Variants in DET1 observed in about 807,000 individuals in gnomAD.
The protein encoded by DET1 is DET1 partner of COP1 E3 ubiquitin ligase, also known as DET1 homolog.
In DET1, 22 loss-of-function variants were observed where a neutral mutation model predicts 43.7. The observed-to-expected ratio is 0.50, with a 90% CI of 0.36 to 0.72. The LOEUF (loss-of-function observed/expected upper bound fraction) is 0.72. Ranked by LOEUF, DET1 falls within the 30% of genes least tolerant of loss-of-function variation. The pLI is 0.00. For synonymous variants in DET1, 315 were observed against 266.2 expected (o/e 1.18, Z -1.79); for missense variants, 713 against 713.3 (o/e 1.00, Z 0.00).
intron 3 of DET1, among the ~76,000 whole-genome samples, chr15:88,518,205 G>T (rs1274657580): frequency 1.3e-5 from 2 of 150,552 alleles, no homozygotes; most frequent in Non-Finnish European, 2.9e-5. Context: ...GCCTTCCAAA[G>T]TGCTGGGATT....
At position 88,525,011 on chromosome 15, in the gene DET1, A is replaced by G. The variant is rs114223362; in HGVS notation, c.1271+2588T>C. Among the ~76,000 whole-genome samples, 1,075 of 152,290 alleles carry G rather than the reference A, an allele frequency of 7.1e-3. 14 individuals carry two copies. The highest frequency in any genetic ancestry group is 0.022 in the African/African-American group (924 of 41,546). On this transcript the variant is annotated intron_variant, in intron 3 of 4. Transcript: ENST00000268148. The stretch of plus-strand genomic sequence containing the variant: ...TATATTTTCAATGTAGCAAAGTATG[A>G]TTAGTGGTCAACAAAATATGTTAGC...
chr15:88,538,725 G>C (rs983328613), intron 1 of DET1, among the ~76,000 whole-genome samples: 2 of 152,302 alleles, frequency 1.3e-5, no homozygotes, highest in Non-Finnish European at 2.9e-5. Flanking sequence ...GGCCGGCTCA[G>C]AGGGGGTTAC....
Position 88,530,897 on chromosome 15 carries a change from G to A in DET1, c.809C>T (p.Ala270Val). ...CYEDDLLTVS[A>V]VFPEVQRDSQ... ...GTCCCGCTGTACCTCAGGGAAAACA[G>A]CTGACACAGTGAGCAGGTCATCCTC... is the stretch of plus-strand genomic sequence containing the variant. The change falls in exon 2 of 5, where the codon GCT becomes GTT. Residue 270 changes from alanine (A) to valine (V), a missense_variant. Physicochemically the swap from Ala to Val is moderately conservative, Grantham distance 64. Transcript: ENST00000268148. 1.2e-6 allele frequency: 2 copies of A among 1,614,038 alleles called. No individual in the cohort carries two copies. Among genetic ancestry groups the A allele is most frequent in the Non-Finnish European group, 1.7e-6 (2 of 1,179,904 alleles).
intron 3 of DET1, among the ~76,000 whole-genome samples, chr15:88,524,164 C>G (rs911222659): frequency 3.3e-5 from 5 of 151,602 alleles, no homozygotes; most frequent in Admixed American, 1.3e-4. Context: ...TCTGTCCGGC[C>G]GCGACCCCGT....
intron 1 of DET1, among the ~76,000 whole-genome samples, chr15:88,539,405 C>CATCTGACT (rs1417961768): frequency 6.7e-5 from 9 of 134,666 alleles, no homozygotes; most frequent in African/African-American, 2.3e-4. Flanking sequence ...ACCAGGTGGG[C>CATCTGACT]ATCTGACTGA....
intron 8 of DET1, chr15:88,503,756 G>C (rs1469182809): frequency 6.6e-6 from 1 of 152,174 alleles, no homozygotes; most frequent in Non-Finnish European, 1.5e-5. Context: ...TCAGCACTTT[G>C]GAAGGCCAAG....
chr15:88,512,838 T>G lies in DET1; in HGVS notation c.*113A>C. 1 of 1,489,776 alleles carries G rather than the reference T, an allele frequency of 6.7e-7. No individual in the cohort carries two copies. Among genetic ancestry groups the G allele is most frequent in the Admixed American group, 2.3e-5 (1 of 44,050 alleles). 92.3% of individuals were successfully genotyped at this position (1,489,776 alleles called of 1,614,324 possible). A position where few individuals can be genotyped will look rare whatever the true frequency, so the allele number is the denominator to read the frequency against. ...CTCTGGCTCTCTCCCATCTGAGGTATAGCAGGCTGGAACTAACAGAGCTAG... is the reference window on the plus strand; with the variant it reads ...CTCTGGCTCTCTCCCATCTGAGGTAGAGCAGGCTGGAACTAACAGAGCTAG... On this transcript the variant is annotated 3_prime_UTR_variant, in exon 5 of 5. Transcript: ENST00000268148.
chr15:88,536,979 C>T (rs1266634107), intron 1 of DET1, among the ~76,000 whole-genome samples: 4 of 151,980 alleles, frequency 2.6e-5, no homozygotes, highest in African/African-American at 7.3e-5. Flanking sequence ...TATTTTAAAA[C>T]GTACACACAA....
rs2056235046 is a variant in DET1 at position 88,513,033 on chromosome 15, G to A, written c.1571C>T (p.Pro524Leu). Reference protein sequence around the residue: ...VRRLVAFTFHPFEPFAISVQR... With the variant: ...VRRLVAFTFHLFEPFAISVQR... The stretch of plus-strand genomic sequence containing the variant: ...CACAGAAATAGCGAAAGGCTCAAAA[G>A]GGTGAAAGGTGAAGGCAACAAGGCG... The change falls in exon 5 of 5, where the codon CCT becomes CTT. Residue 524 changes from proline to leucine, a missense_variant. Physicochemically the swap from Pro to Leu is moderately conservative, Grantham distance 98. Coordinates refer to ENST00000268148, the MANE Select transcript of DET1 (RefSeq NM_001144074.3). 1 of 1,613,974 alleles carries A rather than the reference G, an allele frequency of 6.2e-7. No homozygotes were observed. The highest frequency in any genetic ancestry group is 8.5e-7 in the Non-Finnish European group (1 of 1,179,920).
At chr15:88,505,967 G>T (rs2056135710) in intron 7 of DET1, among the ~76,000 whole-genome samples, 1 of 152,154 alleles carries the variant, frequency 6.6e-6, no homozygotes, top group South Asian at 2.1e-4. Flanking sequence ...CAACTGACAT[G>T]GGTGGGCAGG....
At chr15:88,527,833 CA>C in intron 2 of DET1, 47 bp from the exon 3 acceptor site, 1 of 1,388,670 alleles carries the variant, frequency 7.2e-7, no homozygotes, top group South Asian at 1.8e-5. Flanking sequence ...AGTATAATGC[CA>C]TGCGTAGGAA....
At chr15:88,544,240 A>G (rs558090882) in intron 1 of DET1, among the ~76,000 whole-genome samples, 143 of 152,316 alleles carry the variant, frequency 9.4e-4, no homozygotes, top group African/African-American at 3.3e-3. Context: ...CAGGTAGAAC[A>G]CATGAACCGC....
downstream of DET1, among the ~76,000 whole-genome samples, chr15:88,510,861 C>T (rs894361152): frequency 2.0e-5 from 3 of 151,370 alleles, no homozygotes; most frequent in African/African-American, 7.3e-5. Flanking sequence ...TCAAGCCCCA[C>T]CTCCCGGGTT....
In DET1 at chr15:88,516,400, A is replaced by AT. The variant is rs1455851675; in HGVS notation, c.1463+381dup. The stretch of plus-strand genomic sequence containing the variant: ...AGCAGGTCCCCAAATTGTCTCTGCT[A>AT]TTTTTTCTATGAGGTAACATGGCGG... On this transcript the variant is annotated intron_variant, in intron 4 of 4. Coordinates refer to ENST00000268148, the MANE Select transcript of DET1 (RefSeq NM_001144074.3). The surrounding 1 kb of genome is among the most constrained non-coding windows in gnomAD (Gnocchi z 4.4). 2.0e-5 allele frequency among the ~76,000 whole-genome samples: 3 copies of AT among 152,150 alleles called. No individual in the cohort carries two copies. The East Asian group carries it at 5.8e-4, about 29-fold the overall frequency.
At chr15:88,545,819 C>G (rs1398804290) in intron 1 of DET1, among the ~76,000 whole-genome samples, 1 of 151,238 alleles carries the variant, frequency 6.6e-6, no homozygotes, top group Admixed American at 6.6e-5. Flanking sequence ...ACTGGCAGCC[C>G]CTTCCTCAAG....
intron 3 of DET1, among the ~76,000 whole-genome samples, chr15:88,524,681 T>C (rs1306642526): frequency 6.6e-6 from 1 of 152,206 alleles, no homozygotes; most frequent in East Asian, 1.9e-4. Flanking sequence ...TCATGTGCTG[T>C]GTCCACTCAG....
chr15:88,538,175 T>C (rs2057000874), intron 1 of DET1, among the ~76,000 whole-genome samples: 1 of 151,934 alleles, frequency 6.6e-6, no homozygotes, highest in Non-Finnish European at 1.5e-5. Flanking sequence ...GTTTTTAGAC[T>C]CTCCCTTAGC....
At chr15:88,513,793 C>CTTTT (rs55855042) in intron 4 of DET1, among the ~76,000 whole-genome samples, 114 of 68,486 alleles carry the variant, frequency 1.7e-3, no homozygotes, top group African/African-American at 3.8e-3. Flanking sequence ...AGAATAAATT[C>CTTTT]TTTTTTTTTT....
chr15:88,511,251 C>A (rs1413382522), downstream of DET1, among the ~76,000 whole-genome samples: 1 of 152,116 alleles, frequency 6.6e-6, no homozygotes, highest in Admixed American at 6.6e-5. Flanking sequence ...CTATTCCCTC[C>A]AAGCCATCTT....
Sources: allele counts gnomAD v4.1 joint callset (sites outside exome capture counted in the v4.1 genomes callset), GRCh38; gene constraint gnomAD v4.1.1; non-coding constraint Gnocchi (gnomAD v3.1); transcripts MANE v1.5; gene names NCBI Gene and HGNC (gene_info 2026-07-23, HGNC 2026-07-21).